NFIB: variants seen among roughly 807,000 people sequenced by gnomAD.
The protein encoded by NFIB is nuclear factor 1 B-type.
In NFIB, 11 loss-of-function variants were observed where a neutral mutation model predicts 61.5. The observed-to-expected ratio is 0.18, with a 90% CI of 0.11 to 0.30. The LOEUF is 0.30. NFIB is among the 10% of genes least tolerant of loss of function. The probability of loss-of-function intolerance (pLI) is 1.00; values close to 1 mark genes in which losing one functional copy is unlikely to be tolerated. For synonymous variants in NFIB, 260 were observed against 216.5 expected, an observed-to-expected ratio of 1.20 and a Z score of -1.76; for missense variants, 471 against 608.9, an observed-to-expected ratio of 0.77 and a Z score of 2.38.
chr9:14,271,142 A>C (rs539496627), intron 2 of NFIB, among the ~76,000 whole-genome samples: 7 of 148,530 alleles, frequency 4.7e-5, no homozygotes, highest in African/African-American at 1.7e-4. Flanking sequence ...CCCTGCAAAG[A>C]AAGCACCAGC....
intron 1 of NFIB, among the ~76,000 whole-genome samples, chr9:14,312,737 C>T (rs2060341478): frequency 6.6e-6 from 1 of 152,206 alleles, no homozygotes; most frequent in Non-Finnish European, 1.5e-5. Flanking sequence ...ACCAGCATTA[C>T]TTAAAATGCC....
chr9:14,145,695 G>A (rs1382968351), intron 6 of NFIB, among the ~76,000 whole-genome samples: 1 of 148,312 alleles, frequency 6.7e-6, no homozygotes, highest in East Asian at 2.0e-4. Flanking sequence ...CTGTTACCCA[G>A]GCTAGAGTAC....
Position 14,307,761 on chromosome 9 carries a change from T to C in NFIB, c.31-241A>G, listed in dbSNP as rs2060090364. The C allele has an allele frequency of 5.0e-6, 2 of 402,058 alleles. No individual in the cohort carries two copies. The highest frequency in any genetic ancestry group is 8.3e-5 in the East Asian group (2 of 24,230). The allele number at this position is 402,058 out of a possible 1,614,324, so 24.9% of individuals were successfully genotyped here. ...TCAATTCTCCCTCCTATAAAGGAAA[T>C]AAGGTTTATATTTTGTATTACACTC... On this transcript the variant is annotated intron_variant, in intron 1 of 10. Coordinates refer to ENST00000380953, the MANE Select transcript of NFIB (RefSeq NM_001190737.2). The surrounding 1 kb of genome is among the most constrained non-coding windows in gnomAD (Gnocchi z 5.3).
chr9:14,494,438 T>C, the NFIB span, among the ~76,000 whole-genome samples: 2 of 152,210 alleles, frequency 1.3e-5, no homozygotes, highest in African/African-American at 4.8e-5. Flanking sequence ...ACCAGCACTG[T>C]AGATCCATTA....
upstream of NFIB, chr9:14,399,021 A>T (rs574444640): frequency 4.5e-5 from 10 of 222,976 alleles, no homozygotes; most frequent in South Asian, 1.8e-3. Context: ...TGAGTACTTG[A>T]AATGTGGCTT....
chr9:14,290,402 C>G (rs1478985245), intron 2 of NFIB, among the ~76,000 whole-genome samples: 2 of 152,032 alleles, frequency 1.3e-5, no homozygotes, highest in Non-Finnish European at 2.9e-5. Context: ...GAAAGTATTG[C>G]ACGTCTACAA....
the NFIB span, among the ~76,000 whole-genome samples, chr9:14,505,075 T>C: frequency 6.6e-6 from 1 of 152,332 alleles, no homozygotes; most frequent in South Asian, 2.1e-4. Flanking sequence ...TTTTTCTGCA[T>C]CTATTGAGGT....
the NFIB span, among the ~76,000 whole-genome samples, chr9:14,478,551 T>G: frequency 3.3e-5 from 5 of 152,232 alleles, no homozygotes; most frequent in Non-Finnish European, 5.9e-5. Flanking sequence ...ACTTGGGTAT[T>G]GTTATATTTT....
chr9:14,438,665 A>G, the NFIB span, among the ~76,000 whole-genome samples: 1 of 152,188 alleles, frequency 6.6e-6, no homozygotes, highest in Non-Finnish European at 1.5e-5. Context: ...TTTCTAATAG[A>G]ATTCCTCATC....
the NFIB span, among the ~76,000 whole-genome samples, chr9:14,460,017 A>G: frequency 6.6e-6 from 1 of 152,260 alleles, no homozygotes. Flanking sequence ...CCCATTACTG[A>G]GTATATACCC....
intron 2 of NFIB, among the ~76,000 whole-genome samples, chr9:14,259,481 T>A (rs1291103167): frequency 6.6e-6 from 1 of 152,206 alleles, no homozygotes; most frequent in Non-Finnish European, 1.5e-5. Context: ...AAAGATCCTA[T>A]GGCTGAGTCT....
At chr9:14,172,223 CGAA>C (rs1230453285) in intron 3 of NFIB, among the ~76,000 whole-genome samples, 4 of 151,668 alleles carry the variant, frequency 2.6e-5, no homozygotes, top group Non-Finnish European at 5.9e-5. Context: ...TGCCATGTTA[CGAA>C]GAAGAAGAGA....
the NFIB span, among the ~76,000 whole-genome samples, chr9:14,482,466 G>C: frequency 6.6e-6 from 1 of 152,112 alleles, no homozygotes; most frequent in Non-Finnish European, 1.5e-5. Flanking sequence ...CCCTCACCAT[G>C]TTCTTAGGAA....
intron 2 of NFIB, among the ~76,000 whole-genome samples, chr9:14,212,647 AAAC>A (rs1271200966): frequency 2.0e-5 from 3 of 150,000 alleles, no homozygotes; most frequent in African/African-American, 7.6e-5. Context: ...GAAAAAAAAA[AAAC>A]ATGTTTAAAA....
chr9:14,157,223 C>A (rs7871265), intron 3 of NFIB, among the ~76,000 whole-genome samples: 39 of 152,242 alleles, frequency 2.6e-4, no homozygotes, highest in African/African-American at 9.2e-4. Context: ...TACCGAATTA[C>A]GCACACTGGC....
At chr9:14,096,230 T>G (rs1176462087) in intron 10 of NFIB, 1 of 152,110 alleles carries the variant, frequency 6.6e-6, no homozygotes, top group African/African-American at 2.4e-5. Context: ...TATACTTCCT[T>G]TCACTACAAA....
At chr9:14,294,965 C>T (rs2059335713) in intron 2 of NFIB, among the ~76,000 whole-genome samples, 3 of 152,290 alleles carry the variant, frequency 2.0e-5, no homozygotes, top group Middle Eastern at 3.4e-3. Flanking sequence ...CCTCCATGGA[C>T]ACAACCAACC....
At chr9:14,144,667 C>T (rs557396839) in intron 6 of NFIB, among the ~76,000 whole-genome samples, 1 of 152,118 alleles carries the variant, frequency 6.6e-6, no homozygotes, top group South Asian at 2.1e-4. Flanking sequence ...ACAACTAATC[C>T]CATAAATAGC....
chr9:14,254,282 C>G (rs2055974769), intron 2 of NFIB, among the ~76,000 whole-genome samples: 1 of 139,000 alleles, frequency 7.2e-6, no homozygotes, highest in Non-Finnish European at 1.6e-5. Context: ...GCCTGGGCAA[C>G]AGAGTGACAC....
Sources: gnomAD v4.1 joint callset for allele counts (sites outside exome capture counted in the v4.1 genomes callset) on GRCh38, gnomAD v4.1.1 for gene constraint, Gnocchi (gnomAD v3.1) non-coding constraint, MANE v1.5 for transcripts, NCBI Gene and HGNC (gene_info 2026-07-23, HGNC 2026-07-21) for gene names.